Variants in ANKRD29 observed in about 807,000 individuals in gnomAD.
ANKRD29 encodes ankyrin repeat domain-containing protein 29.
In ANKRD29, 32 loss-of-function variants were observed where a neutral mutation model predicts 38.0. The ratio of observed to expected loss-of-function variants is 0.84; its 90% CI spans 0.64 to 1.13. ANKRD29 has a LOEUF of 1.13. Among genes scored for constraint, ANKRD29 ranks in the 50% most tolerant of loss-of-function variants. ANKRD29 has a pLI of 0.00. For missense variants in ANKRD29, 357 were observed against 377.9 expected (o/e 0.94, Z 0.46); for synonymous variants, 135 against 152.4 (o/e 0.89, Z 0.84).
chr18:23,602,944 T>C (rs2059532227), intron 9 of ANKRD29, among the ~76,000 whole-genome samples: 1 of 152,258 alleles, frequency 6.6e-6, no homozygotes, highest in East Asian at 1.9e-4. Context: ...TACATATTTC[T>C]TTCATGTGTA....
chr18:23,601,372 AAG>A (rs2059509928), intron 9 of ANKRD29, 63 bp from the exon 10 acceptor site: 1 of 1,400,244 alleles, frequency 7.1e-7, no homozygotes, highest in African/African-American at 1.4e-5. Flanking sequence ...AGGGACTCCA[AAG>A]AGGGGCATTT....
At chr18:23,653,634 C>T (rs2060238964) in intron 1 of ANKRD29, among the ~76,000 whole-genome samples, 1 of 149,846 alleles carries the variant, frequency 6.7e-6, no homozygotes, top group African/African-American at 2.5e-5. Context: ...CTCCCCTCCC[C>T]TCCCCTCTTT....
intron 5 of ANKRD29, among the ~76,000 whole-genome samples, chr18:23,633,529 A>AC (rs1226527215): frequency 2.0e-5 from 3 of 152,150 alleles, no homozygotes; most frequent in African/African-American, 7.2e-5. Flanking sequence ...TGCACAACAG[A>AC]TTTAAAAGGG....
intron 5 of ANKRD29, among the ~76,000 whole-genome samples, chr18:23,633,180 C>T (rs964260162): frequency 6.6e-6 from 1 of 152,146 alleles, no homozygotes; most frequent in Admixed American, 6.5e-5. Flanking sequence ...AATTGAAAGG[C>T]CCTTGGGTGA....
chr18:23,612,586 G>C (rs1046438302), intron 8 of ANKRD29, among the ~76,000 whole-genome samples: 3 of 152,204 alleles, frequency 2.0e-5, no homozygotes, highest in African/African-American at 4.8e-5. Flanking sequence ...CACTTCCAGC[G>C]AGGTTAGAGG....
intron 1 of ANKRD29, 149 bp from the exon 2 acceptor site, chr18:23,649,342 A>G: frequency 1.4e-6 from 1 of 729,610 alleles, no homozygotes; most frequent in Non-Finnish European, 2.4e-6. Context: ...GACAACTGTA[A>G]TAACAGAATG....
intron 1 of ANKRD29, among the ~76,000 whole-genome samples, chr18:23,656,701 T>C (rs1224037619): frequency 6.6e-6 from 1 of 152,166 alleles, no homozygotes; most frequent in African/African-American, 2.4e-5. Context: ...TAAAAAGCAG[T>C]GTCACAAAAT....
intron 3 of ANKRD29, among the ~76,000 whole-genome samples, chr18:23,645,927 T>C (rs1000365447): frequency 1.3e-5 from 2 of 152,018 alleles, no homozygotes; most frequent in South Asian, 2.1e-4. Context: ...TGATTTAAGC[T>C]TGATAAAAAA....
chr18:23,620,295 A>G (rs2059780286), intron 6 of ANKRD29, among the ~76,000 whole-genome samples: 1 of 152,210 alleles, frequency 6.6e-6, no homozygotes, highest in Admixed American at 6.5e-5. Context: ...AGTGATGCAC[A>G]TAAACTAGTT....
At chr18:23,633,130 T>C (rs1326257311) in intron 5 of ANKRD29, among the ~76,000 whole-genome samples, 1 of 152,144 alleles carries the variant, frequency 6.6e-6, no homozygotes, top group African/African-American at 2.4e-5. Flanking sequence ...AAAACTGGAG[T>C]AATGTTTGCC....
intron 2 of ANKRD29, chr18:23,647,525 A>G (rs974252422): frequency 7.2e-5 from 11 of 151,788 alleles, no homozygotes; most frequent in Admixed American, 6.6e-4. Context: ...GTGGTGCTCT[A>G]TGGTATTTTT....
chr18:23,619,936 A>G (rs1368501829), intron 6 of ANKRD29: 1 of 335,214 alleles, frequency 3.0e-6, no homozygotes, highest in African/African-American at 2.2e-5. Context: ...GGTGGTACAG[A>G]CTTCATGGAA....
At chr18:23,609,297 A>G (rs776219735) in intron 9 of ANKRD29, 20 of 151,960 alleles carry the variant, frequency 1.3e-4, no homozygotes, top group Non-Finnish European at 2.5e-4. Flanking sequence ...CGCACCTAGA[A>G]ACAGAAAACA....
intron 6 of ANKRD29, among the ~76,000 whole-genome samples, chr18:23,622,727 C>T (rs1296780273): frequency 2.0e-5 from 3 of 151,970 alleles, no homozygotes; most frequent in Admixed American, 6.6e-5. Flanking sequence ...CCACCACACC[C>T]GGCTAATTTT....
rs1422990458 is a variant in ANKRD29, at chr18:23,600,033, T to C, written c.*1193A>G. On this transcript the variant is annotated 3_prime_UTR_variant, in exon 10 of 10. Transcript: ENST00000592179. ...ATGTGTTTAAATAGCAGAAATACCA[T>C]TGCGTTTATTTTGGTAGATTACAGA... 1 of 152,256 alleles carries C rather than the reference T, an allele frequency of 6.6e-6. No individual in the cohort carries two copies. The allele number at this position is 152,256 out of a possible 1,614,324, so 9.4% of individuals were successfully genotyped here. A position where few individuals can be genotyped will look rare whatever the true frequency, so the allele number is the denominator to read the frequency against.
chr18:23,632,531 G>GTAATA (rs772817461), intron 5 of ANKRD29, among the ~76,000 whole-genome samples: 2 of 126,908 alleles, frequency 1.6e-5, no homozygotes, highest in African/African-American at 6.6e-5. Flanking sequence ...GTGTGTGTGT[G>GTAATA]TGTATATATA....
At chr18:23,642,369 C>G (rs2060088977) in intron 3 of ANKRD29, among the ~76,000 whole-genome samples, 1 of 152,108 alleles carries the variant, frequency 6.6e-6, no homozygotes. Context: ...CCACTACATT[C>G]CCTGGTGCCT....
At chr18:23,627,537 A>G (rs1009523804) in intron 6 of ANKRD29, among the ~76,000 whole-genome samples, 3 of 152,196 alleles carry the variant, frequency 2.0e-5, no homozygotes, top group Admixed American at 6.5e-5. Context: ...TCTTGGCTTC[A>G]ACATCACGGC....
chr18:23,601,331 A>G, intron 9 of ANKRD29, 22 bp from the exon 10 acceptor site: 1 of 1,606,816 alleles, frequency 6.2e-7, no homozygotes, highest in Non-Finnish European at 8.5e-7. Context: ...GAAGATGGGC[A>G]TTAGTGAATC....
Sources: allele counts gnomAD v4.1 joint callset (sites outside exome capture counted in the v4.1 genomes callset), GRCh38; gene constraint gnomAD v4.1.1; transcripts MANE v1.5; gene names NCBI Gene and HGNC (gene_info 2026-07-23, HGNC 2026-07-21).